HSD17B3: variants seen among roughly 807,000 people sequenced by gnomAD.
The protein encoded by HSD17B3 is hydroxysteroid 17-beta dehydrogenase 3.
Under a neutral mutation model 41.1 loss-of-function variants are expected in HSD17B3, and 29 were observed. The ratio of observed to expected loss-of-function variants is 0.71; its 90% CI spans 0.53 to 0.96. HSD17B3 has a LOEUF of 0.96. Ranked by LOEUF, HSD17B3 falls within the 40% of genes least tolerant of loss-of-function variation. The probability of loss-of-function intolerance (pLI) is 0.00; values close to 1 mark genes in which losing one functional copy is unlikely to be tolerated. For synonymous variants in HSD17B3, 126 were observed against 145.6 expected (o/e 0.87, Z 0.97); for missense variants, 323 against 374.6 (o/e 0.86, Z 1.14).
chr9:96,292,298 G>A (rs1476209021), intron 2 of HSD17B3, among the ~76,000 whole-genome samples: 1 of 152,196 alleles, frequency 6.6e-6, no homozygotes, highest in African/African-American at 2.4e-5. Flanking sequence ...GTTACAAGGA[G>A]AGAAGAGGGC....
chr9:96,300,053 C>T (rs1031456394), intron 1 of HSD17B3, among the ~76,000 whole-genome samples: 1 of 151,982 alleles, frequency 6.6e-6, no homozygotes, highest in African/African-American at 2.4e-5. Flanking sequence ...AAGGGCTTTC[C>T]CTACACAAAC....
rs139767789 is a variant in HSD17B3 at position 96,276,737 on chromosome 9, C to T, written c.201+21679G>A. 7.9e-4 allele frequency among the ~76,000 whole-genome samples: 120 copies of T among 152,156 alleles called. 1 individual carries two copies. The highest frequency in any genetic ancestry group is 2.4e-3 in the African/African-American group (98 of 41,510). Reference sequence around the variant, plus strand: ...AATGAAAGTGGAACTTATCTCACACCGTATACACAAATCCACCCCAAAGGG... The same window carrying T: ...AATGAAAGTGGAACTTATCTCACACTGTATACACAAATCCACCCCAAAGGG... On this transcript the variant is annotated intron_variant, in intron 2 of 10. Coordinates refer to ENST00000375263, the MANE Select transcript of HSD17B3 (RefSeq NM_000197.2).
chr9:96,254,830 G>C (rs1317954046), intron 3 of HSD17B3, 38 bp downstream of exon 3: 2 of 1,557,896 alleles, frequency 1.3e-6, no homozygotes, highest in Non-Finnish European at 1.8e-6. Context: ...TGGTTGGAGG[G>C]CTCCACACAC....
At position 96,240,884 on chromosome 9, in the gene HSD17B3, C is replaced by T. The variant is rs375855473; in HGVS notation, c.696G>A (p.Ser232=). ...IIQVLTPYAV[S]TAMTKYLNTN... ...TATTTAGATACTTTGTCATTGCAGTCGAGACAGCATATGGGGTCAGCACCT... is the reference window on the plus strand; with the variant it reads ...TATTTAGATACTTTGTCATTGCAGTTGAGACAGCATATGGGGTCAGCACCT... The change falls in exon 10 of 11, where the codon TCG becomes TCA. Residue 232 remains serine, a synonymous_variant. Transcript: ENST00000375263. 1.4e-5 allele frequency: 23 copies of T among 1,614,114 alleles called. No homozygotes were observed. The highest frequency in any genetic ancestry group is 9.3e-5 in the African/African-American group (7 of 75,026).
chr9:96,273,723 A>G (rs558311946), intron 2 of HSD17B3, among the ~76,000 whole-genome samples: 2 of 152,314 alleles, frequency 1.3e-5, no homozygotes, highest in South Asian at 4.1e-4. Flanking sequence ...AAAAAGGAGA[A>G]CAGGAAGATC....
chr9:96,261,652 A>G (rs948204201), intron 2 of HSD17B3, among the ~76,000 whole-genome samples: 4 of 152,224 alleles, frequency 2.6e-5, no homozygotes, highest in Non-Finnish European at 5.9e-5. Flanking sequence ...GGGAGAACCC[A>G]TAAAAGGGCC....
At chr9:96,237,807 G>A (rs530911755) in intron 10 of HSD17B3, among the ~76,000 whole-genome samples, 2 of 152,152 alleles carry the variant, frequency 1.3e-5, no homozygotes, top group African/African-American at 2.4e-5. Flanking sequence ...ATTAGAATCT[G>A]TTATCTAAGA....
chr9:96,240,500 A>C lies in HSD17B3; in HGVS notation c.822+258T>G, dbSNP rs8190558. On this transcript the variant is annotated intron_variant, in intron 10 of 10. Coordinates refer to ENST00000375263, the MANE Select transcript of HSD17B3 (RefSeq NM_000197.2). ...CCATATATCTTGGTCTTCCCTGCCC[A>C]ACAGCTCCTGGGAGCCACCTTACTT... 2.8e-3 allele frequency among the ~76,000 whole-genome samples: 426 copies of C among 152,250 alleles called. 1 individual carries two copies. Among genetic ancestry groups the C allele is most frequent in the African/African-American group, 9.8e-3 (407 of 41,552 alleles).
intron 9 of HSD17B3, among the ~76,000 whole-genome samples, chr9:96,241,289 A>G (rs900841025): frequency 2.0e-5 from 3 of 152,248 alleles, no homozygotes; most frequent in African/African-American, 7.2e-5. Context: ...CAAGTATTGC[A>G]TGGGACATAC....
rs762485279 is a variant in HSD17B3 at position 96,244,396 on chromosome 9, T to C, written c.607-2A>G. The C allele has an allele frequency of 3.7e-6, 6 of 1,614,022 alleles. No individual in the cohort carries two copies. The highest frequency in any genetic ancestry group is 2.2e-5 in the East Asian group (1 of 44,886). ...CTTGGAAAATGCGCACACAAACGCC[T>C]GGAGCAAGAAGGAGAGACACCTGAG... On this transcript the variant is annotated splice_acceptor_variant, in intron 8 of 10. Transcript: ENST00000375263. LOFTEE classifies it high-confidence loss of function.
chr9:96,239,867 G>A (rs981069461), intron 10 of HSD17B3: 28 of 152,214 alleles, frequency 1.8e-4, no homozygotes, highest in Non-Finnish European at 3.8e-4. Context: ...GTCCAGGAGT[G>A]GTAAGAGCCT....
chr9:96,302,123 G>C lies in HSD17B3; in HGVS notation c.-19C>G, dbSNP rs756479113. 2 of 1,613,628 alleles carry C rather than the reference G, an allele frequency of 1.2e-6. No individual in the cohort carries two copies. Among genetic ancestry groups the C allele is most frequent in the Admixed American group, 3.3e-5 (2 of 59,970 alleles). ...CCCCCATGGCTGCACTCAACAGACT[G>C]TTTCAGCCCTGGCCGTGGCTCTCTG... On this transcript the variant is annotated 5_prime_UTR_variant, in exon 1 of 11. Coordinates refer to ENST00000375263, the MANE Select transcript of HSD17B3 (RefSeq NM_000197.2).
At chr9:96,267,415 C>T (rs923844275) in intron 2 of HSD17B3, among the ~76,000 whole-genome samples, 8 of 152,060 alleles carry the variant, frequency 5.3e-5, no homozygotes, top group Admixed American at 5.2e-4. Context: ...ACCTCGGCCT[C>T]CCAAAGTGTT....
At chr9:96,251,733 G>A (rs1404640209) in intron 4 of HSD17B3, among the ~76,000 whole-genome samples, 1 of 152,178 alleles carries the variant, frequency 6.6e-6, no homozygotes, top group African/African-American at 2.4e-5. Context: ...GGGAGAACAT[G>A]CATGATGTAA....
intron 10 of HSD17B3, among the ~76,000 whole-genome samples, chr9:96,237,116 T>C (rs548639920): frequency 6.6e-6 from 1 of 152,340 alleles, no homozygotes; most frequent in South Asian, 2.1e-4. Context: ...CTCCGAGCTT[T>C]CTTATCTCAC....
At chr9:96,249,501 A>G (rs1836807660) in intron 6 of HSD17B3, 1 of 558,988 alleles carries the variant, frequency 1.8e-6, no homozygotes, top group Non-Finnish European at 3.2e-6. Context: ...CGAGCTTAGT[A>G]TGTTCCAACG....
intron 2 of HSD17B3, among the ~76,000 whole-genome samples, chr9:96,264,025 A>T (rs1055674014): frequency 6.6e-6 from 1 of 152,174 alleles, no homozygotes; most frequent in African/African-American, 2.4e-5. Context: ...TATGTGAAGT[A>T]ATTTATATGT....
At position 96,244,675 on chromosome 9, in the gene HSD17B3, C is replaced by T. The variant is rs7022826; in HGVS notation, c.607-281G>A. The stretch of plus-strand genomic sequence containing the variant: ...GGGGTCCTCACCACAAAAAAAAAAC[C>T]GGTAAGTATGTGAGGTCATGGATAT... On this transcript the variant is annotated intron_variant, in intron 8 of 10. Coordinates refer to ENST00000375263, the MANE Select transcript of HSD17B3 (RefSeq NM_000197.2). 0.48 allele frequency among the ~76,000 whole-genome samples: 72,955 copies of T among 151,766 alleles called. 18,069 individuals are homozygous for T. Among genetic ancestry groups the T allele is most frequent in the East Asian group, 0.58 (2,998 of 5,164 alleles).
At chr9:96,295,356 C>A (rs112700651) in intron 2 of HSD17B3, among the ~76,000 whole-genome samples, 1 of 149,426 alleles carries the variant, frequency 6.7e-6, no homozygotes, top group Non-Finnish European at 1.5e-5. Flanking sequence ...TTGTTTCAGA[C>A]GAAGTCTCAC....
Sources: allele counts gnomAD v4.1 joint callset (sites outside exome capture counted in the v4.1 genomes callset), GRCh38; gene constraint gnomAD v4.1.1; transcripts MANE v1.5; gene names NCBI Gene and HGNC (gene_info 2026-07-23, HGNC 2026-07-21).